The following TBCK variants were observed in gnomAD, a reference collection of about 807,000 sequenced individuals.
The protein encoded by TBCK is TBC domain-containing protein kinase-like protein.
TBCK carries 99 observed loss-of-function variants against 113.4 expected under a neutral mutation model. That is an observed-to-expected ratio of 0.87 (90% CI 0.74 to 1.03). TBCK has a LOEUF of 1.03. TBCK is among the 50% of genes least tolerant of loss of function. TBCK has a pLI of 0.00. For missense variants in TBCK, 1,045 were observed against 1,061.3 expected (o/e 0.98, Z 0.21); for synonymous variants, 369 against 370.8 (o/e 1.00, Z 0.05).
intron 25 of TBCK, among the ~76,000 whole-genome samples, chr4:106,087,255 G>T (rs1249354936): frequency 1.3e-5 from 2 of 152,138 alleles, no homozygotes; most frequent in Non-Finnish European, 2.9e-5. Context: ...AAAAATCAAT[G>T]TGCAAAAATC....
intron 1 of TBCK, chr4:106,310,462 G>A (rs1302351741): frequency 6.6e-6 from 1 of 152,092 alleles, no homozygotes; most frequent in East Asian, 1.9e-4. Flanking sequence ...ATAATTAGAA[G>A]CGTCAATTCT....
At chr4:106,191,805 C>T (rs1343437754) in intron 22 of TBCK, among the ~76,000 whole-genome samples, 1 of 152,150 alleles carries the variant, frequency 6.6e-6, no homozygotes, top group Admixed American at 6.5e-5. Context: ...ACTACATCAA[C>T]TAAATAGATT....
chr4:106,213,791 A>G, intron 19 of TBCK: 1 of 156,384 alleles, frequency 6.4e-6, no homozygotes, highest in Non-Finnish European at 1.4e-5. Context: ...AGGCTGGGGG[A>G]GGGGCGCCCA....
intron 3 of TBCK, among the ~76,000 whole-genome samples, chr4:106,290,273 G>A (rs981814959): frequency 3.9e-5 from 6 of 152,118 alleles, no homozygotes; most frequent in Admixed American, 2.0e-4. Context: ...CGCCTCCCGG[G>A]TTCACGCCAT....
intron 8 of TBCK, among the ~76,000 whole-genome samples, chr4:106,248,622 G>T (rs551180797): frequency 6.6e-6 from 1 of 152,272 alleles, no homozygotes; most frequent in African/African-American, 2.4e-5. Context: ...AAGAGGTGAG[G>T]CCTTTAAGAA....
chr4:106,051,811 T>C (rs1201675292), intron 25 of TBCK, among the ~76,000 whole-genome samples: 4 of 151,870 alleles, frequency 2.6e-5, no homozygotes, highest in Non-Finnish European at 5.9e-5. Context: ...AGTGCTGTCT[T>C]GTTCCAATTA....
At chr4:106,309,535 C>T (rs1055787681) in intron 1 of TBCK, among the ~76,000 whole-genome samples, 2 of 151,888 alleles carry the variant, frequency 1.3e-5, no homozygotes, top group African/African-American at 4.8e-5. Flanking sequence ...AACTCCTGAC[C>T]TCGTGATCCA....
At chr4:106,175,670 A>G (rs1395169626) in intron 22 of TBCK, among the ~76,000 whole-genome samples, 1 of 152,070 alleles carries the variant, frequency 6.6e-6, no homozygotes, top group Non-Finnish European at 1.5e-5. Flanking sequence ...CATATTTACC[A>G]TTAAAATGGT....
intron 5 of TBCK, among the ~76,000 whole-genome samples, chr4:106,256,075 T>C (rs1761951253): frequency 1.3e-5 from 2 of 152,122 alleles, no homozygotes; most frequent in Non-Finnish European, 2.9e-5. Context: ...TCTGGCTGAG[T>C]CCAGGGTTTT....
chr4:106,069,961 G>T (rs1429189797), intron 25 of TBCK, among the ~76,000 whole-genome samples: 1 of 152,186 alleles, frequency 6.6e-6, no homozygotes, highest in Non-Finnish European at 1.5e-5. Context: ...TGGTGTGAAG[G>T]AATGCTTGTG....
At chr4:106,282,291 C>CT (rs942508153) in intron 3 of TBCK, among the ~76,000 whole-genome samples, 7 of 151,606 alleles carry the variant, frequency 4.6e-5, no homozygotes, top group African/African-American at 7.3e-5. Flanking sequence ...TGAGTCTTCT[C>CT]TTTTTTTTCT....
chr4:106,163,723 G>A (rs1750056721), intron 23 of TBCK: 1 of 152,094 alleles, frequency 6.6e-6, no homozygotes, highest in Admixed American at 6.6e-5. Context: ...TATGAGAACA[G>A]TATAGGGGAA....
At chr4:106,249,967 CAT>C (rs1761247440) in intron 7 of TBCK, among the ~76,000 whole-genome samples, 2 of 152,014 alleles carry the variant, frequency 1.3e-5, no homozygotes, top group Admixed American at 1.3e-4. Flanking sequence ...TTGAATTATA[CAT>C]GTTTGGATCC....
chr4:106,249,897 A>C (rs1213218541), intron 7 of TBCK, among the ~76,000 whole-genome samples: 1 of 152,094 alleles, frequency 6.6e-6, no homozygotes, highest in Non-Finnish European at 1.5e-5. Context: ...TTCTCTCCTT[A>C]ATTACCAAAC....
chr4:106,117,525 GT>G, intron 23 of TBCK, among the ~76,000 whole-genome samples: 1 of 152,212 alleles, frequency 6.6e-6, no homozygotes, highest in Middle Eastern at 3.4e-3. Flanking sequence ...CCATCCATTG[GT>G]TTGTGTCTAT....
intron 2 of TBCK, among the ~76,000 whole-genome samples, chr4:106,300,989 T>G (rs1766876755): frequency 6.6e-6 from 1 of 152,056 alleles, no homozygotes; most frequent in Non-Finnish European, 1.5e-5. Context: ...GAAGCTTCCA[T>G]GAAGAACAAT....
chr4:106,212,181 A>C (rs55971040), intron 20 of TBCK, among the ~76,000 whole-genome samples: 2,719 of 152,212 alleles, frequency 0.018, 25 homozygotes, highest in Middle Eastern at 0.034. Context: ...ATAAGTAATA[A>C]TTGTATACAT....
intron 5 of TBCK, among the ~76,000 whole-genome samples, 187 bp from the exon 6 acceptor site, chr4:106,252,194 T>C (rs1340395502): frequency 6.6e-6 from 1 of 152,002 alleles, no homozygotes; most frequent in Non-Finnish European, 1.5e-5. Context: ...AGAGAAAATA[T>C]ACACAAGTCT....
intron 22 of TBCK, among the ~76,000 whole-genome samples, chr4:106,178,062 C>T (rs975585804): frequency 2.6e-5 from 4 of 151,618 alleles, no homozygotes; most frequent in African/African-American, 4.8e-5. Flanking sequence ...TTTGTTCCTA[C>T]ATATTTTATT....
Sources: gnomAD v4.1 joint callset for allele counts (sites outside exome capture counted in the v4.1 genomes callset) on GRCh38, gnomAD v4.1.1 for gene constraint, MANE v1.5 for transcripts, NCBI Gene and HGNC (gene_info 2026-07-23, HGNC 2026-07-21) for gene names.